The following YPEL2 variants were observed in gnomAD, a reference collection of about 807,000 sequenced individuals.
The protein encoded by YPEL2 is yippee like 2.
YPEL2 carries 2 observed loss-of-function variants against 19.1 expected under a neutral mutation model. The observed-to-expected ratio is 0.10, with a 90% CI of 0.04 to 0.33. The LOEUF is 0.33. Ranked by LOEUF, YPEL2 falls within the 10% of genes least tolerant of loss-of-function variation. The pLI, the probability that YPEL2 is intolerant of heterozygous loss-of-function variation, is 1.00. For missense variants in YPEL2, 66 were observed against 140.7 expected, an observed-to-expected ratio of 0.47 and a Z score of 2.68; for synonymous variants, 52 against 50.0, an observed-to-expected ratio of 1.04 and a Z score of -0.17.
intron 1 of YPEL2, among the ~76,000 whole-genome samples, chr17:59,338,770 G>A (rs144072366): frequency 1.5e-3 from 234 of 152,318 alleles, no homozygotes; most frequent in African/African-American, 3.9e-3. Flanking sequence ...GATCATAGGC[G>A]TCTCCAGGAG....
intron 1 of YPEL2, among the ~76,000 whole-genome samples, chr17:59,348,836 G>A (rs928835933): frequency 1.3e-5 from 2 of 152,076 alleles, no homozygotes; most frequent in African/African-American, 4.8e-5. Context: ...AGGGGCTAAA[G>A]TTCAAAAATT....
chr17:59,383,826 C>T (rs1277109840), intron 2 of YPEL2, among the ~76,000 whole-genome samples: 1 of 151,434 alleles, frequency 6.6e-6, no homozygotes, highest in African/African-American at 2.4e-5. Flanking sequence ...ATTTCAGATT[C>T]ATCCGTGTTG....
chr17:59,339,103 CCCCCCACCCCCA>C (rs151327436), intron 1 of YPEL2, among the ~76,000 whole-genome samples: 1 of 137,876 alleles, frequency 7.3e-6, no homozygotes, highest in Non-Finnish European at 1.6e-5. Flanking sequence ...GATATCTGCG[CCCCCCACCCCCA>C]CCCCCACCCC....
intron 4 of YPEL2, among the ~76,000 whole-genome samples, chr17:59,395,578 A>G (rs191125011): frequency 6.6e-6 from 1 of 152,276 alleles, no homozygotes; most frequent in Admixed American, 6.5e-5. Context: ...CCAGGTGGTT[A>G]GTATGACGTT....
At chr17:59,386,098 G>A (rs1464454638) in intron 2 of YPEL2, among the ~76,000 whole-genome samples, 3 of 152,104 alleles carry the variant, frequency 2.0e-5, no homozygotes, top group Middle Eastern at 3.2e-3. Context: ...TGAGGCAGGC[G>A]GATTGTTTAA....
intron 2 of YPEL2, among the ~76,000 whole-genome samples, chr17:59,376,316 T>G (rs1332143141): frequency 6.6e-6 from 1 of 152,086 alleles, no homozygotes; most frequent in Non-Finnish European, 1.5e-5. Context: ...GCCTCCCAGG[T>G]TCAAGTGATT....
rs759291743 is a variant in YPEL2 at position 59,397,238 on chromosome 17, C to T, written c.*48C>T. The stretch of plus-strand genomic sequence containing the variant: ...AGTGTCCACGTGAACGCCATTCAAC[C>T]GAACATTCTTCCCAAGCGTGAGAGA... On this transcript the variant is annotated 3_prime_UTR_variant, in exon 5 of 5. Transcript: ENST00000312655. 1.5e-5 allele frequency: 22 copies of T among 1,438,108 alleles called. No homozygotes were observed. In the South Asian group the frequency reaches 2.2e-4, roughly 15 times the overall value. The allele number at this position is 1,438,108 out of a possible 1,614,324, so 89.1% of individuals were successfully genotyped here. A position where few individuals can be genotyped will look rare whatever the true frequency, so the allele number is the denominator to read the frequency against.
chr17:59,367,831 G>A (rs1056831576), intron 2 of YPEL2, among the ~76,000 whole-genome samples: 1 of 152,134 alleles, frequency 6.6e-6, no homozygotes, highest in Non-Finnish European at 1.5e-5. Flanking sequence ...AGCCAGATAG[G>A]GCACATAGTT....
intron 1 of YPEL2, among the ~76,000 whole-genome samples, chr17:59,350,513 G>A (rs1178435738): frequency 1.3e-5 from 2 of 152,126 alleles, no homozygotes; most frequent in Non-Finnish European, 2.9e-5. Context: ...AGACAGCCTG[G>A]GCCATTGCTT....
rs990499514 is a variant in YPEL2, at chr17:59,334,395, G to T, written c.-196+2571G>T. Among the ~76,000 whole-genome samples the T allele has an allele frequency of 9.5e-5, 14 of 147,846 alleles. 1 individual carries two copies. Among genetic ancestry groups the T allele is most frequent in the African/African-American group, 3.4e-4 (14 of 41,000 alleles). ...GGCAGGTGACTCTTTTTATTTGGGG[G>T]GGGGTGAGGAGTCAGGAGTTTGTCT... On this transcript the variant is annotated intron_variant, in intron 1 of 4. Coordinates refer to ENST00000312655, the MANE Select transcript of YPEL2 (RefSeq NM_001005404.4).
At chr17:59,346,116 C>T (rs2047754676) in intron 1 of YPEL2, among the ~76,000 whole-genome samples, 1 of 152,174 alleles carries the variant, frequency 6.6e-6, no homozygotes, top group African/African-American at 2.4e-5. Flanking sequence ...TAAAGGCCTT[C>T]TCACAATTCC....
intron 2 of YPEL2, among the ~76,000 whole-genome samples, chr17:59,372,692 A>C (rs1464530962): frequency 6.6e-6 from 1 of 152,228 alleles, no homozygotes. Flanking sequence ...GACAATGCTC[A>C]CCACACAAAG....
intron 2 of YPEL2, among the ~76,000 whole-genome samples, chr17:59,357,463 A>G (rs559272018): frequency 7.2e-5 from 11 of 152,070 alleles, no homozygotes; most frequent in African/African-American, 2.7e-4. Flanking sequence ...GCATCCTACA[A>G]TTTTTTTCTT....
chr17:59,384,385 T>G (rs1459620944), intron 2 of YPEL2, among the ~76,000 whole-genome samples: 1 of 152,214 alleles, frequency 6.6e-6, no homozygotes, highest in East Asian at 1.9e-4. Flanking sequence ...TGAACCCCTT[T>G]GTAGTACTTC....
At chr17:59,363,982 G>A (rs2047855029) in intron 2 of YPEL2, among the ~76,000 whole-genome samples, 1 of 151,768 alleles carries the variant, frequency 6.6e-6, no homozygotes, top group African/African-American at 2.4e-5. Flanking sequence ...TTTTCTTCTA[G>A]TGAGTCTTCC....
chr17:59,371,182 A>C (rs1461340815), intron 2 of YPEL2, among the ~76,000 whole-genome samples: 1 of 152,192 alleles, frequency 6.6e-6, no homozygotes, highest in Admixed American at 6.5e-5. Context: ...TCCCATGGCC[A>C]AGGTGCCCTT....
chr17:59,389,902 AT>A (rs1275821596), intron 4 of YPEL2, among the ~76,000 whole-genome samples: 2 of 152,170 alleles, frequency 1.3e-5, no homozygotes, highest in Non-Finnish European at 2.9e-5. Flanking sequence ...TCTGTTATTT[AT>A]TTTTTATTTC....
At chr17:59,393,946 G>A (rs572683339) in intron 4 of YPEL2, among the ~76,000 whole-genome samples, 10 of 152,190 alleles carry the variant, frequency 6.6e-5, no homozygotes, top group South Asian at 2.1e-4. Context: ...ATCCGATTTC[G>A]CAATCTTTTC....
At chr17:59,335,487 T>C (rs1402806632) in intron 1 of YPEL2, among the ~76,000 whole-genome samples, 2 of 151,874 alleles carry the variant, frequency 1.3e-5, no homozygotes, top group Non-Finnish European at 2.9e-5. Flanking sequence ...TTCTGAAACA[T>C]GCCATACTTA....
Sources: gnomAD v4.1 joint callset for allele counts (sites outside exome capture counted in the v4.1 genomes callset) on GRCh38, gnomAD v4.1.1 for gene constraint, MANE v1.5 for transcripts, NCBI Gene and HGNC (gene_info 2026-07-23, HGNC 2026-07-21) for gene names.